Variants in TNRC6B observed in about 807,000 individuals in gnomAD.
TNRC6B encodes trinucleotide repeat containing adaptor 6B.
TNRC6B carries 52 observed loss-of-function variants against 203.6 expected under a neutral mutation model. The ratio of observed to expected loss-of-function variants is 0.26; its 90% CI spans 0.20 to 0.32. TNRC6B has a LOEUF of 0.32. Ranked by LOEUF, TNRC6B falls within the 10% of genes least tolerant of loss-of-function variation. The pLI is 1.00. For missense variants in TNRC6B, 1,923 were observed against 2,286.2 expected (o/e 0.84, Z 3.24); for synonymous variants, 838 against 845.7 (o/e 0.99, Z 0.16).
chr22:40,216,059 T>G (rs1394092826), intron 1 of TNRC6B, among the ~76,000 whole-genome samples: 1 of 152,258 alleles, frequency 6.6e-6, no homozygotes, highest in Non-Finnish European at 1.5e-5. Flanking sequence ...TTCGCTTCCC[T>G]TCATCTTTGT....
In TNRC6B at chr22:40,332,234, A is replaced by C. The variant is rs1256631806; in HGVS notation, c.*8993A>C. On this transcript the variant is annotated 3_prime_UTR_variant, in exon 23 of 23. Transcript: ENST00000454349. ...TTTAAGTGAACTTACTCTTAGTTAT[A>C]AGGAACTGTCCTGCTTTGTGGGGAA... 1 of 152,438 alleles carries C rather than the reference A, an allele frequency of 6.6e-6. No individual in the cohort carries two copies. Among genetic ancestry groups the C allele is most frequent in the South Asian group, 2.1e-4 (1 of 4,826 alleles). The allele number at this position is 152,438 out of a possible 1,614,324, so 9.4% of individuals were successfully genotyped here. A position where few individuals can be genotyped will look rare whatever the true frequency, so the allele number is the denominator to read the frequency against.
Position 40,331,872 on chromosome 22 carries a change from G to T in TNRC6B, c.*8631G>T. 1 of 344,304 alleles carries T rather than the reference G, an allele frequency of 2.9e-6. No individual in the cohort carries two copies. The highest frequency in any genetic ancestry group is 5.3e-6 in the Non-Finnish European group (1 of 189,966). 21.3% of individuals were successfully genotyped at this position (344,304 alleles called of 1,614,324 possible). Reference sequence around the variant, plus strand: ...GGGAGTGAGAGACGAATGTGGTAAGGTCAGCACAGTGAGATAGAGACCTCT... The same window carrying T: ...GGGAGTGAGAGACGAATGTGGTAAGTTCAGCACAGTGAGATAGAGACCTCT... On this transcript the variant is annotated 3_prime_UTR_variant, in exon 23 of 23. Coordinates refer to ENST00000454349, the MANE Select transcript of TNRC6B (RefSeq NM_001162501.2).
chr22:40,119,601 A>AACAT (rs2068424804), intron 2 of TNRC6B, among the ~76,000 whole-genome samples: 1 of 152,190 alleles, frequency 6.6e-6, no homozygotes, highest in Admixed American at 6.5e-5. Context: ...ATACATAGAT[A>AACAT]ACATACATAC....
intron 1 of TNRC6B, among the ~76,000 whole-genome samples, chr22:40,088,245 G>A (rs951748775): frequency 6.6e-6 from 1 of 152,230 alleles, no homozygotes; most frequent in African/African-American, 2.4e-5. Context: ...GAAAAATTAG[G>A]TAGTTCCTCA....
intron 15 of TNRC6B, among the ~76,000 whole-genome samples, chr22:40,303,089 G>A (rs62239065): frequency 0.13 from 15,758 of 124,036 alleles, 962 homozygotes; most frequent in Middle Eastern, 0.17. Context: ...TCACTCTGTC[G>A]CCCAACCTCC....
chr22:40,134,540 A>C (rs1263976962), intron 3 of TNRC6B, among the ~76,000 whole-genome samples: 1 of 152,188 alleles, frequency 6.6e-6, no homozygotes, highest in Admixed American at 6.5e-5. Flanking sequence ...CAAATTTAAT[A>C]AACTATGGAC....
chr22:40,270,401 C>A (rs1210274560), intron 6 of TNRC6B, 121 bp downstream of exon 6: 3 of 986,416 alleles, frequency 3.0e-6, no homozygotes, highest in East Asian at 6.8e-5. Context: ...CTCACTGCAA[C>A]CTCTGCTTTC....
chr22:40,086,834 A>G (rs894650077), intron 1 of TNRC6B, among the ~76,000 whole-genome samples: 3 of 152,238 alleles, frequency 2.0e-5, no homozygotes, highest in Non-Finnish European at 2.9e-5. Context: ...TCTCTCTGCC[A>G]TACTTTGTTC....
At chr22:40,310,119 A>T (rs2071153817) in intron 16 of TNRC6B, among the ~76,000 whole-genome samples, 6 of 152,222 alleles carry the variant, frequency 3.9e-5, no homozygotes, top group Admixed American at 3.9e-4. Context: ...TAGCATATAA[A>T]ATGCATGATG....
intron 5 of TNRC6B, among the ~76,000 whole-genome samples, chr22:40,267,851 C>CAG (rs1055973356): frequency 2.0e-5 from 3 of 150,388 alleles, no homozygotes; most frequent in African/African-American, 7.3e-5. Flanking sequence ...GTTTGGGAGA[C>CAG]AGAGCGAGAC....
In TNRC6B at chr22:40,285,430, G is replaced by A. The variant is rs939851728; in HGVS notation, c.3583-215G>A. Among the ~76,000 whole-genome samples, 11 of 152,278 alleles carry A rather than the reference G, an allele frequency of 7.2e-5. No individual in the cohort carries two copies. The South Asian group carries it at 8.3e-4, about 11-fold the overall frequency. ...TATTTGATGACATTGAACCCTTTCCGTTTATAGAGTTCTTCAAACTGTACA... is the reference window on the plus strand; with the variant it reads ...TATTTGATGACATTGAACCCTTTCCATTTATAGAGTTCTTCAAACTGTACA... On this transcript the variant is annotated intron_variant, in intron 11 of 22. Transcript: ENST00000454349.
At chr22:40,138,938 T>C (rs2068622820) in intron 3 of TNRC6B, among the ~76,000 whole-genome samples, 1 of 152,230 alleles carries the variant, frequency 6.6e-6, no homozygotes, top group Non-Finnish European at 1.5e-5. Flanking sequence ...TCAGCAGCTT[T>C]ATTAAGGTAT....
intron 4 of TNRC6B, among the ~76,000 whole-genome samples, chr22:40,157,907 A>G (rs747150535): frequency 6.6e-6 from 1 of 152,196 alleles, no homozygotes; most frequent in Non-Finnish European, 1.5e-5. Context: ...GCCCATGGTA[A>G]TGCAGCTTGA....
intron 12 of TNRC6B, among the ~76,000 whole-genome samples, chr22:40,296,553 C>T (rs1045509162): frequency 6.6e-6 from 1 of 151,536 alleles, no homozygotes; most frequent in African/African-American, 2.4e-5. Context: ...AGGATGGTTG[C>T]GATCTCCTCA....
At position 40,266,451 on chromosome 22, in the gene TNRC6B, G is replaced by A; in HGVS notation, c.2221G>A (p.Gly741Arg). The change falls in exon 5 of 23, where the codon GGA becomes AGA. Residue 741 changes from glycine to arginine, a missense_variant. Gly to Arg is a moderately radical substitution (Grantham distance 125, BLOSUM62 -2). This residue lies in a region of TNRC6B where 599 missense variants were observed against 656.5 expected (regional missense o/e 0.91). Transcript: ENST00000454349. ...GWGGGRQPNQGWSSGKNGWGE... is the reference protein window; with the variant it reads ...GWGGGRQPNQRWSSGKNGWGE... ...GGGAGGTGGACGCCAGCCCAATCAA[G>A]GATGGTCTTCTGGAAAGAATGGTTG... 1 of 1,613,828 alleles carries A rather than the reference G, an allele frequency of 6.2e-7. No individual in the cohort carries two copies. Among genetic ancestry groups the A allele is most frequent in the Non-Finnish European group, 8.5e-7 (1 of 1,179,808 alleles).
chr22:40,253,748 T>C, intron 3 of TNRC6B: 3 of 455,772 alleles, frequency 6.6e-6, no homozygotes, highest in Non-Finnish European at 1.3e-5. Flanking sequence ...GACCTTTCTA[T>C]TGTTGGGTCT....
chr22:40,309,427 A>G (rs146258992), intron 16 of TNRC6B, among the ~76,000 whole-genome samples: 2 of 152,326 alleles, frequency 1.3e-5, no homozygotes, highest in East Asian at 3.9e-4. Context: ...TTCCTTTATA[A>G]ACCACTCTTT....
At chr22:40,299,163 A>C (rs6001869) in intron 12 of TNRC6B, among the ~76,000 whole-genome samples, 48,571 of 149,124 alleles carry the variant, frequency 0.33, 8,632 homozygotes, top group South Asian at 0.47. Flanking sequence ...AAAAACAAAA[A>C]AAAAAAAAAA....
Position 40,153,979 on chromosome 22 carries a change from A to AT in TNRC6B, c.46-2127dup, listed in dbSNP as rs1198340450. ...TATTAAGAAATTATTGGCTTTCTTT[A>AT]TTTTTTTTTAAGACTTAGGGTCTCG... On this transcript the variant is annotated intron_variant, in intron 3 of 23. Transcript: ENST00000301923. Among the ~76,000 whole-genome samples, 790 of 150,394 alleles carry AT rather than the reference A, an allele frequency of 5.3e-3. 7 individuals carry two copies. The highest frequency in any genetic ancestry group is 0.017 in the African/African-American group (706 of 41,132).
Sources: gnomAD v4.1 joint callset for allele counts (sites outside exome capture counted in the v4.1 genomes callset) on GRCh38, gnomAD v4.1.1 for gene constraint, gnomAD v4.1.1 regional missense constraint, MANE v1.5 for transcripts, NCBI Gene and HGNC (gene_info 2026-07-23, HGNC 2026-07-21) for gene names.